The following SLC8A3 variants were observed in gnomAD, a reference collection of about 807,000 sequenced individuals.
SLC8A3 encodes the protein sodium/calcium exchanger 3.
A neutral mutation model predicts 65.4 loss-of-function variants in SLC8A3; 37 were observed. The ratio of observed to expected loss-of-function variants is 0.57; its 90% CI spans 0.44 to 0.74. The LOEUF (loss-of-function observed/expected upper bound fraction) is 0.74, where lower values mean the gene tolerates loss of function less well. Among genes scored for constraint, SLC8A3 ranks in the 30% least tolerant of loss-of-function variants. The pLI, the probability that SLC8A3 is intolerant of heterozygous loss-of-function variation, is 0.00. For missense variants in SLC8A3, 1,112 were observed against 1,172.1 expected (o/e 0.95, Z 0.75); for synonymous variants, 461 against 444.5 (o/e 1.04, Z -0.47).
intron 2 of SLC8A3, among the ~76,000 whole-genome samples, chr14:70,093,347 AT>A (rs1225138846): frequency 2.0e-5 from 3 of 152,160 alleles, no homozygotes. Flanking sequence ...TGCACAGGGT[AT>A]TTGGTGTGGG....
intron 2 of SLC8A3, among the ~76,000 whole-genome samples, chr14:70,138,687 G>C (rs1895380546): frequency 6.6e-6 from 1 of 152,182 alleles, no homozygotes; most frequent in Non-Finnish European, 1.5e-5. Context: ...AGAAAAGATG[G>C]TCTTTGTAGC....
chr14:70,086,709 C>T lies in SLC8A3; in HGVS notation c.1785-25770G>A, dbSNP rs193197828. Reference sequence around the variant, plus strand: ...TTGGCCAATTTCTTTCTTTTTTTTTCTAAGACAATGTTGTAGCACCAAAGC... The same window carrying T: ...TTGGCCAATTTCTTTCTTTTTTTTTTTAAGACAATGTTGTAGCACCAAAGC... On this transcript the variant is annotated intron_variant, in intron 2 of 6. Coordinates refer to ENST00000356921, the MANE Select transcript of SLC8A3 (RefSeq NM_182932.3). Among the ~76,000 whole-genome samples the T allele has an allele frequency of 2.8e-3, 417 of 151,600 alleles. 1 individual carries two copies. The highest frequency in any genetic ancestry group is 9.5e-3 in the African/African-American group (393 of 41,320).
At chr14:70,049,737 T>C (rs917656884) in intron 5 of SLC8A3, among the ~76,000 whole-genome samples, 11 of 152,206 alleles carry the variant, frequency 7.2e-5, no homozygotes, top group Admixed American at 7.2e-4. Context: ...GCAGGGCTCC[T>C]CTCAAATTTT....
chr14:70,161,329 C>A (rs1896882802), intron 2 of SLC8A3, among the ~76,000 whole-genome samples: 1 of 139,448 alleles, frequency 7.2e-6, no homozygotes, highest in Non-Finnish European at 1.5e-5. Context: ...GTCTACATAG[C>A]CTTCAATTAT....
intron 2 of SLC8A3, among the ~76,000 whole-genome samples, chr14:70,146,555 G>A (rs1355679222): frequency 6.6e-6 from 1 of 152,060 alleles, no homozygotes; most frequent in Non-Finnish European, 1.5e-5. Flanking sequence ...TTAGAAAAAT[G>A]ACTTGAGGAA....
chr14:70,105,994 T>C (rs1892844615), intron 2 of SLC8A3, among the ~76,000 whole-genome samples: 2 of 151,832 alleles, frequency 1.3e-5, no homozygotes, highest in South Asian at 4.1e-4. Context: ...CAAAACGATA[T>C]GATCATTTCA....
At chr14:70,143,266 C>T (rs1009684204) in intron 2 of SLC8A3, among the ~76,000 whole-genome samples, 3 of 152,190 alleles carry the variant, frequency 2.0e-5, no homozygotes, top group African/African-American at 7.2e-5. Context: ...GTGTAAACCT[C>T]GTAATAATCC....
At chr14:70,126,519 A>AACTTAGAATAT (rs1441476111) in intron 2 of SLC8A3, among the ~76,000 whole-genome samples, 1 of 151,176 alleles carries the variant, frequency 6.6e-6, no homozygotes, top group African/African-American at 2.4e-5. Flanking sequence ...TGTCCTGAGG[A>AACTTAGAATAT]ACTTAGAATA....
chr14:70,162,573 G>T (rs999136312), intron 2 of SLC8A3, among the ~76,000 whole-genome samples: 6 of 152,148 alleles, frequency 3.9e-5, no homozygotes, highest in African/African-American at 1.4e-4. Flanking sequence ...AGGCATCAAA[G>T]GTCCAAGAGC....
intron 2 of SLC8A3, among the ~76,000 whole-genome samples, chr14:70,133,866 A>C (rs1895015289): frequency 6.6e-6 from 1 of 152,156 alleles, no homozygotes; most frequent in African/African-American, 2.4e-5. Flanking sequence ...TTTCTAAAGA[A>C]ACCTTAGCTT....
intron 2 of SLC8A3, among the ~76,000 whole-genome samples, chr14:70,073,349 ATG>A (rs1566757761): frequency 6.6e-6 from 1 of 152,178 alleles, no homozygotes; most frequent in African/African-American, 2.4e-5. Flanking sequence ...TCATCTCTGC[ATG>A]TGACTCAGTT....
chr14:70,063,534 T>TC (rs1346467178), intron 2 of SLC8A3, among the ~76,000 whole-genome samples: 1 of 152,182 alleles, frequency 6.6e-6, no homozygotes, highest in Non-Finnish European at 1.5e-5. Context: ...GCTCTTTCTT[T>TC]CCCCATACTC....
chr14:70,091,478 C>T (rs987220421), intron 2 of SLC8A3, among the ~76,000 whole-genome samples: 1 of 152,166 alleles, frequency 6.6e-6, no homozygotes, highest in Admixed American at 6.5e-5. Flanking sequence ...TTGACTCCTA[C>T]TCTCTTTTAT....
chr14:70,105,575 T>G (rs990063112), intron 2 of SLC8A3, among the ~76,000 whole-genome samples: 1 of 152,174 alleles, frequency 6.6e-6, no homozygotes, highest in Non-Finnish European at 1.5e-5. Flanking sequence ...GTACTATGTA[T>G]TAAAGAAATT....
At chr14:70,118,386 C>G (rs75116349) in intron 2 of SLC8A3, among the ~76,000 whole-genome samples, 1 of 152,182 alleles carries the variant, frequency 6.6e-6, no homozygotes, top group Non-Finnish European at 1.5e-5. Flanking sequence ...AACAAGAACC[C>G]TTTACACCAG....
intron 2 of SLC8A3, among the ~76,000 whole-genome samples, chr14:70,107,263 GAA>G (rs145225311): frequency 1.3e-5 from 2 of 149,488 alleles, no homozygotes; most frequent in African/African-American, 4.9e-5. Context: ...AAATGAACTA[GAA>G]AAAAAAAATC....
chr14:70,130,968 C>A (rs1044230632), intron 2 of SLC8A3, among the ~76,000 whole-genome samples: 4 of 152,048 alleles, frequency 2.6e-5, no homozygotes, highest in African/African-American at 7.2e-5. Context: ...AAATTGTGGA[C>A]CAAACTTGAG....
At chr14:70,051,388 G>T (rs1887491213) in intron 4 of SLC8A3, among the ~76,000 whole-genome samples, 1 of 152,164 alleles carries the variant, frequency 6.6e-6, no homozygotes, top group Non-Finnish European at 1.5e-5. Context: ...AACCTCCTGG[G>T]CTCAAGCCAT....
chr14:70,084,326 C>A (rs991404032), intron 2 of SLC8A3, among the ~76,000 whole-genome samples: 1 of 152,178 alleles, frequency 6.6e-6, no homozygotes, highest in African/African-American at 2.4e-5. Context: ...TATAATGTTG[C>A]TTCTTTAGCA....
Sources: allele counts gnomAD v4.1 joint callset (sites outside exome capture counted in the v4.1 genomes callset), GRCh38; gene constraint gnomAD v4.1.1; transcripts MANE v1.5; gene names NCBI Gene and HGNC (gene_info 2026-07-23, HGNC 2026-07-21).